Variants in PARP10 observed in about 807,000 individuals in gnomAD.
The protein encoded by PARP10 is protein mono-ADP-ribosyltransferase PARP10.
PARP10 carries 56 observed loss-of-function variants against 82.4 expected under a neutral mutation model. The observed-to-expected ratio is 0.68, with a 90% confidence interval of 0.55 to 0.85. The LOEUF (loss-of-function observed/expected upper bound fraction) is 0.85. PARP10 is among the 40% of genes least tolerant of loss of function. The pLI is 0.00. For missense variants in PARP10, 1,227 were observed against 1,379.4 expected (o/e 0.89, Z 1.75); for synonymous variants, 576 against 601.1 (o/e 0.96, Z 0.61).
At chr8:144,012,518 G>A (rs1021945754) in intron 1 of PARP10, 1 of 1,551,648 alleles carries the variant, frequency 6.4e-7, no homozygotes, top group Non-Finnish European at 8.7e-7. Flanking sequence ...CCCAGGGCAT[G>A]TCTCTACTCA....
Position 143,977,276 on chromosome 8 carries a change from G to A in PARP10, c.*208C>T. The A allele has an allele frequency of 1.7e-6, 1 of 584,372 alleles. No homozygotes were observed. The highest frequency in any genetic ancestry group is 2.3e-5 in the South Asian group (1 of 43,486). The allele number at this position is 584,372 out of a possible 1,614,324, so 36.2% of individuals were successfully genotyped here. A position where few individuals can be genotyped will look rare whatever the true frequency, so the allele number is the denominator to read the frequency against. On this transcript the variant is annotated 3_prime_UTR_variant, in exon 11 of 11. Coordinates refer to ENST00000313028, the MANE Select transcript of PARP10 (RefSeq NM_032789.5). ...CGCCTCCTGGGCTCTGCTGACCCCT[G>A]GTGGTGGGGTCGGCCCAGGCTGGGA...
intron 1 of PARP10, among the ~76,000 whole-genome samples, chr8:144,001,729 G>GAGAAAAGAAAAGAAA (rs368728419): frequency 3.1e-4 from 47 of 151,944 alleles, no homozygotes; most frequent in African/African-American, 1.0e-3. Flanking sequence ...GAAGAGAAAA[G>GAGAAAAGAAAAGAAA]AGAAAAGAAA....
At chr8:143,977,883 G>A (rs374424555) in intron 10 of PARP10, 24 bp downstream of exon 10, 67 of 1,598,932 alleles carry the variant, frequency 4.2e-5, no homozygotes, top group Non-Finnish European at 5.2e-5. Context: ...CAGAGCCCCC[G>A]CCCCTGCCCG....
intron 1 of PARP10, among the ~76,000 whole-genome samples, chr8:144,002,850 G>GATCACTTGAGTAGGAGCCCA (rs1834211237): frequency 6.6e-6 from 1 of 152,178 alleles, no homozygotes; most frequent in Admixed American, 6.5e-5. Context: ...CCCAAGGTAG[G>GATCACTTGAGTAGGAGCCCA]AGGATCACTT....
At position 144,008,320 on chromosome 8, in the gene PARP10, G is replaced by A. The variant is rs1334273294; in HGVS notation, c.-80+4210C>T. Among the ~76,000 whole-genome samples the A allele has an allele frequency of 6.6e-6, 1 of 152,134 alleles. No homozygotes were observed. Among genetic ancestry groups the A allele is most frequent in the African/African-American group, 2.4e-5 (1 of 41,408 alleles). On this transcript the variant is annotated intron_variant, in intron 1 of 3. Coordinates refer to the PARP10 transcript ENST00000530478. The surrounding 1 kb of genome is among the most constrained non-coding windows in gnomAD (Gnocchi z 4.0). ...CGGCAACTTTATGCCTTGAAAAGAC[G>A]GCTTCAGAAGGAAACTTATTAAACA...
exon 1 of PARP10, chr8:144,012,660 G>A (rs1231648550): frequency 1.4e-5 from 22 of 1,551,594 alleles, no homozygotes; most frequent in African/African-American, 6.8e-5. Flanking sequence ...AGGCGGGCTC[G>A]GCATCAGCGG....
intron 1 of PARP10, among the ~76,000 whole-genome samples, chr8:143,999,610 C>T (rs1834186691): frequency 1.3e-5 from 2 of 151,674 alleles, no homozygotes; most frequent in Admixed American, 1.3e-4. Flanking sequence ...CCTCGACCTC[C>T]TGAAGTGCTG....
chr8:143,988,231 C>T (rs577146501), upstream of PARP10, among the ~76,000 whole-genome samples: 4 of 132,960 alleles, frequency 3.0e-5, 2 homozygotes, highest in South Asian at 5.6e-4. Flanking sequence ...CTCACTGCAA[C>T]GTCCACCCAC....
rs782665783 is a variant in PARP10, at chr8:143,985,210, G to T, written c.792C>A (p.His264Gln). The part of the protein sequence containing the change: ...ELAENTSGGD[H>Q]PSTQGPRATK... Reference sequence around the variant, plus strand: ...TAGCCCTAGGCCCCTGGGTGGACGGGTGGTCCCCTCCACTGGTGTTCTCAG... The same window carrying T: ...TAGCCCTAGGCCCCTGGGTGGACGGTTGGTCCCCTCCACTGGTGTTCTCAG... The change falls in exon 5 of 11, where the codon CAC becomes CAA. Residue 264 changes from histidine (H) to glutamine (Q), a missense_variant. His to Gln is a conservative substitution (Grantham distance 24, BLOSUM62 0). Coordinates refer to ENST00000313028, the MANE Select transcript of PARP10 (RefSeq NM_032789.5). 2 of 1,614,132 alleles carry T rather than the reference G, an allele frequency of 1.2e-6. No homozygotes were observed. The highest frequency in any genetic ancestry group is 1.7e-6 in the Non-Finnish European group (2 of 1,180,028).
intron 1 of PARP10, among the ~76,000 whole-genome samples, chr8:144,009,862 G>A (rs1334914755): frequency 1.3e-5 from 2 of 152,072 alleles, no homozygotes; most frequent in Non-Finnish European, 2.9e-5. Context: ...ACATTTCTCA[G>A]CTCTGCCCAC....
rs1833709144 is a variant in PARP10 at position 143,977,246 on chromosome 8, G to GGCA, written c.*237_*238insTGC. The GGCA allele has an allele frequency of 3.8e-6, 2 of 520,418 alleles. No homozygotes were observed. Among genetic ancestry groups the GGCA allele is most frequent in the Non-Finnish European group, 6.7e-6 (2 of 298,648 alleles). The allele number at this position is 520,418 out of a possible 1,614,324, so 32.2% of individuals were successfully genotyped here. A position where few individuals can be genotyped will look rare whatever the true frequency, so the allele number is the denominator to read the frequency against. On this transcript the variant is annotated 3_prime_UTR_variant, in exon 11 of 11. Coordinates refer to ENST00000313028, the MANE Select transcript of PARP10 (RefSeq NM_032789.5). ...CGAGGTCTGGGAGCGGCGGGCGGGC[G>GGCA]GTGTCGCCTCCTGGGCTCTGCTGAC...
At chr8:144,004,624 A>G (rs1412312617) in intron 1 of PARP10, among the ~76,000 whole-genome samples, 2 of 152,194 alleles carry the variant, frequency 1.3e-5, no homozygotes, top group African/African-American at 4.8e-5. Context: ...CCCTATGTTC[A>G]CAGAGATTCC....
At chr8:143,986,545 T>A, upstream of PARP10, 1 of 839,622 alleles carries the variant, frequency 1.2e-6, no homozygotes, top group Non-Finnish European at 1.9e-6. Context: ...CTTCCTCTCC[T>A]GCTGCAGCCT....
upstream of PARP10, chr8:143,992,541 G>T (rs77081558): frequency 6.2e-7 from 1 of 1,614,142 alleles, no homozygotes. Flanking sequence ...GCCATTCTCT[G>T]CATCTTCATC....
upstream of PARP10, chr8:143,986,740 C>A: frequency 2.7e-6 from 1 of 370,334 alleles, no homozygotes; most frequent in Non-Finnish European, 5.1e-6. Flanking sequence ...CAATCACCCG[C>A]CCCACTAAAC....
At position 144,011,900 on chromosome 8, in the gene PARP10, C is replaced by T. The variant is rs1413757423; in HGVS notation, c.-80+630G>A. Among the ~76,000 whole-genome samples the T allele has an allele frequency of 6.6e-6, 1 of 152,184 alleles. No homozygotes were observed. Among genetic ancestry groups the T allele is most frequent in the African/African-American group, 2.4e-5 (1 of 41,456 alleles). On this transcript the variant is annotated intron_variant, in intron 1 of 3. Coordinates refer to the PARP10 transcript ENST00000530478. This position sits in a 1 kb window ranked among gnomAD's most constrained non-coding sequence, Gnocchi z 4.5. Reference sequence around the variant, plus strand: ...AATCATGGGCGAGTGTCCAGGCCTTCAAGACACAGCAACCAGGAGAAGGCT... The same window carrying T: ...AATCATGGGCGAGTGTCCAGGCCTTTAAGACACAGCAACCAGGAGAAGGCT...
At chr8:144,010,577 C>T (rs1180656143) in intron 1 of PARP10, among the ~76,000 whole-genome samples, 1 of 152,124 alleles carries the variant, frequency 6.6e-6, no homozygotes, top group Non-Finnish European at 1.5e-5. Context: ...AGGTTTTTTT[C>T]ACTCTTAAGT....
At chr8:143,990,799 C>T (rs75138349), upstream of PARP10, 4,837 of 153,794 alleles carry the variant, frequency 0.031, 99 homozygotes, top group South Asian at 0.046. The surrounding 1 kb of genome is among the most constrained non-coding windows in gnomAD (Gnocchi z 5.6). Context: ...GGGCGGGATG[C>T]GGAGGGGAGG....
intron 1 of PARP10, among the ~76,000 whole-genome samples, chr8:143,997,531 C>T (rs1170122378): frequency 6.6e-6 from 1 of 152,162 alleles, no homozygotes; most frequent in Non-Finnish European, 1.5e-5. Flanking sequence ...GCCATGATCA[C>T]CTCTATAGCA....
Sources: allele counts gnomAD v4.1 joint callset (sites outside exome capture counted in the v4.1 genomes callset), GRCh38; gene constraint gnomAD v4.1.1; non-coding constraint Gnocchi (gnomAD v3.1); transcripts MANE v1.5; gene names NCBI Gene and HGNC (gene_info 2026-07-23, HGNC 2026-07-21).